GPR137B: variants seen among roughly 807,000 people sequenced by gnomAD.
The protein encoded by GPR137B is integral membrane protein GPR137B.
Under a neutral mutation model 42.5 loss-of-function variants are expected in GPR137B, and 42 were observed. The ratio of observed to expected loss-of-function variants is 0.99; its 90% CI spans 0.77 to 1.28. The LOEUF is 1.28. Ranked by LOEUF, GPR137B falls within the 50% of genes most tolerant of loss-of-function variation. The pLI, the probability that GPR137B is intolerant of heterozygous loss-of-function variation, is 0.00. For synonymous variants in GPR137B, 218 were observed against 209.7 expected (o/e 1.04, Z -0.34); for missense variants, 487 against 493.9 (o/e 0.99, Z 0.13).
At chr1:236,167,063 T>C (rs1662380254) in intron 1 of GPR137B, among the ~76,000 whole-genome samples, 1 of 152,142 alleles carries the variant, frequency 6.6e-6, no homozygotes, top group Admixed American at 6.5e-5. Context: ...AGGAACTCCA[T>C]GGAGAGCAGT....
At chr1:236,172,151 T>G (rs562161177) in intron 2 of GPR137B, among the ~76,000 whole-genome samples, 55 of 152,338 alleles carry the variant, frequency 3.6e-4, no homozygotes, top group African/African-American at 1.3e-3. Context: ...CCTAGTGATT[T>G]TGTTGCCAAA....
intron 1 of GPR137B, among the ~76,000 whole-genome samples, chr1:236,151,914 C>T (rs911257456): frequency 2.0e-5 from 3 of 152,074 alleles, no homozygotes; most frequent in Non-Finnish European, 4.4e-5. Context: ...TCATGTTGTC[C>T]CATCAGGCTG....
intron 5 of GPR137B, among the ~76,000 whole-genome samples, chr1:236,184,920 C>A (rs1281690709): frequency 2.6e-5 from 4 of 152,118 alleles, no homozygotes; most frequent in African/African-American, 9.7e-5. Context: ...ATGCACGCCA[C>A]CATGCCTGGG....
rs528997734 is a variant in GPR137B at position 236,155,927 on chromosome 1, G to A, written c.415-12779G>A. On this transcript the variant is annotated intron_variant, in intron 1 of 6. Transcript: ENST00000366592. The surrounding 1 kb of genome is among the most constrained non-coding windows in gnomAD (Gnocchi z 4.6). ...GAGCTGAGCTCCTGCCTTGTGGGGTGCACATGCACAAACATGCACACACAT... is the reference window on the plus strand; with the variant it reads ...GAGCTGAGCTCCTGCCTTGTGGGGTACACATGCACAAACATGCACACACAT... Among the ~76,000 whole-genome samples, 11 of 152,306 alleles carry A rather than the reference G, an allele frequency of 7.2e-5. No homozygotes were observed. The South Asian group carries it at 1.9e-3, about 26-fold the overall frequency.
rs1285623039 is a variant in GPR137B at position 236,183,829 on chromosome 1, G to T, written c.889G>T (p.Val297Leu). 16 of 1,603,512 alleles carry T rather than the reference G, an allele frequency of 1.0e-5. No individual in the cohort carries two copies. Among genetic ancestry groups the T allele is most frequent in the Non-Finnish European group, 1.2e-5 (14 of 1,170,628 alleles). ...GDAGYVLFGV[V>L]LFVWELLPTT... ...TGCTGGATACGTATTATTTGGAGTG[G>T]TGTTATTTGTTTGGGAACTCTTACC... Residue 297 changes from valine to leucine, a missense_variant, in exon 5 of 7, where the codon GTG becomes TTG. Val to Leu is a conservative substitution (Grantham distance 32). Transcript: ENST00000366592.
chr1:236,187,251 A>T (rs541553620), intron 5 of GPR137B, among the ~76,000 whole-genome samples: 1 of 152,250 alleles, frequency 6.6e-6, no homozygotes, highest in Admixed American at 6.5e-5. Flanking sequence ...AGATGGATAG[A>T]TTGCAAAAAT....
chr1:236,199,309 T>TCAA (rs2102924070), intron 5 of GPR137B, among the ~76,000 whole-genome samples: 1 of 152,336 alleles, frequency 6.6e-6, no homozygotes, highest in South Asian at 2.1e-4. Flanking sequence ...CTATTAATAT[T>TCAA]TTGTTGAGGA....
At chr1:236,190,141 G>GCTT (rs201074370) in intron 5 of GPR137B, among the ~76,000 whole-genome samples, 16,829 of 117,640 alleles carry the variant, frequency 0.14, 1,234 homozygotes, top group African/African-American at 0.25. Context: ...TGCAACTCCT[G>GCTT]CTTCTTCTTT....
In GPR137B at chr1:236,167,791, A is replaced by G. The variant is rs569769112; in HGVS notation, c.415-915A>G. Among the ~76,000 whole-genome samples, 7 of 152,190 alleles carry G rather than the reference A, an allele frequency of 4.6e-5. No homozygotes were observed. The South Asian group carries it at 1.5e-3, about 32-fold the overall frequency. On this transcript the variant is annotated intron_variant, in intron 1 of 6. Transcript: ENST00000366592. The stretch of plus-strand genomic sequence containing the variant: ...CTGAGCCCCTGCTTGAATCTCCAGC[A>G]CGTGCTGTAGCAGTAGCAGCCTCCT...
chr1:236,203,631 T>C (rs1425524470), intron 5 of GPR137B, among the ~76,000 whole-genome samples: 1 of 152,242 alleles, frequency 6.6e-6, no homozygotes, highest in East Asian at 1.9e-4. Flanking sequence ...TTTAACAATA[T>C]TGATTCCTCC....
intron 1 of GPR137B, among the ~76,000 whole-genome samples, chr1:236,158,134 A>G (rs1324430162): frequency 5.3e-5 from 8 of 152,094 alleles, no homozygotes; most frequent in Non-Finnish European, 1.0e-4. Flanking sequence ...TTATTAAACC[A>G]CAGCTGGGGC....
chr1:236,195,568 C>T (rs565167054), intron 5 of GPR137B, among the ~76,000 whole-genome samples: 1 of 152,286 alleles, frequency 6.6e-6, no homozygotes, highest in African/African-American at 2.4e-5. Flanking sequence ...GCAACAAACA[C>T]AGGATTGCAG....
At chr1:236,189,148 G>A (rs1663116826) in intron 5 of GPR137B, among the ~76,000 whole-genome samples, 2 of 152,144 alleles carry the variant, frequency 1.3e-5, no homozygotes, top group South Asian at 2.1e-4. Flanking sequence ...TTGTATTTCT[G>A]TGGGATTGGT....
At chr1:236,195,801 C>T (rs1239363117) in intron 5 of GPR137B, among the ~76,000 whole-genome samples, 1 of 152,156 alleles carries the variant, frequency 6.6e-6, no homozygotes, top group Admixed American at 6.5e-5. Context: ...ATTATAACTG[C>T]AGTGAGGTAA....
At chr1:236,148,299 C>T (rs973924859) in intron 1 of GPR137B, among the ~76,000 whole-genome samples, 4 of 152,318 alleles carry the variant, frequency 2.6e-5, no homozygotes, top group South Asian at 2.1e-4. Context: ...GGTCTGTGCC[C>T]TGCAGGGGCA....
intron 1 of GPR137B, among the ~76,000 whole-genome samples, chr1:236,164,149 C>T (rs1046652593): frequency 2.6e-5 from 4 of 152,222 alleles, no homozygotes; most frequent in African/African-American, 9.6e-5. Context: ...CTGTGTATTT[C>T]TCTGGGACAG....
chr1:236,154,180 C>T (rs1289629415), intron 1 of GPR137B, among the ~76,000 whole-genome samples: 1 of 152,214 alleles, frequency 6.6e-6, no homozygotes, highest in Non-Finnish European at 1.5e-5. Flanking sequence ...CCGTGTCCTC[C>T]TGGGCCCTGC....
At chr1:236,193,172 G>A (rs756899360) in intron 5 of GPR137B, among the ~76,000 whole-genome samples, 6 of 152,164 alleles carry the variant, frequency 3.9e-5, no homozygotes, top group Admixed American at 3.9e-4. Flanking sequence ...TGGGATTACA[G>A]GTGTGAGCCA....
intron 2 of GPR137B, 124 bp downstream of exon 2, chr1:236,168,879 C>A: frequency 1.3e-6 from 1 of 748,056 alleles, no homozygotes; most frequent in Non-Finnish European, 2.4e-6. Context: ...GTCCTGCCTG[C>A]TGGCTGGCTG....
Sources: allele counts gnomAD v4.1 joint callset (sites outside exome capture counted in the v4.1 genomes callset), GRCh38; gene constraint gnomAD v4.1.1; non-coding constraint Gnocchi (gnomAD v3.1); transcripts MANE v1.5; gene names NCBI Gene and HGNC (gene_info 2026-07-23, HGNC 2026-07-21).